The following AP2A1 variants were observed in gnomAD, a reference collection of about 807,000 sequenced individuals.
The protein encoded by AP2A1 is adaptor related protein complex 2 subunit alpha 1.
A neutral mutation model predicts 107.3 loss-of-function variants in AP2A1; 21 were observed. The observed-to-expected ratio is 0.20, with a 90% CI of 0.14 to 0.28. The LOEUF (loss-of-function observed/expected upper bound fraction) is 0.28, where lower values mean the gene tolerates loss of function less well. Ranked by LOEUF, AP2A1 falls within the 10% of genes least tolerant of loss-of-function variation. AP2A1 has a pLI of 1.00. For missense variants in AP2A1, 873 were observed against 1,307.7 expected, an observed-to-expected ratio of 0.67 and a Z score of 5.13; for synonymous variants, 602 against 564.8, an observed-to-expected ratio of 1.07 and a Z score of -0.93.
At position 49,785,787 on chromosome 19, in the gene AP2A1, G is replaced by A. The variant is rs2084729531; in HGVS notation, c.473+3063G>A. On this transcript the variant is annotated intron_variant, in intron 4 of 22. Coordinates refer to ENST00000354293, the MANE Select transcript of AP2A1 (RefSeq NM_130787.3). The surrounding 1 kb of genome is among the most constrained non-coding windows in gnomAD (Gnocchi z 4.1). ...CAAAAATTAGTCAGGTGTGGTGGCG[G>A]GCACCTGTAATCCCAGCTACTTGGG... is the stretch of plus-strand genomic sequence containing the variant. Among the ~76,000 whole-genome samples the A allele has an allele frequency of 6.6e-6, 1 of 151,956 alleles. No homozygotes were observed. Among genetic ancestry groups the A allele is most frequent in the South Asian group, 2.1e-4 (1 of 4,814 alleles).
intron 18 of AP2A1, chr19:49,804,317 G>A (rs1328660102): frequency 1.3e-5 from 2 of 151,972 alleles, no homozygotes; most frequent in Admixed American, 6.6e-5. Flanking sequence ...CAAGGTGGTT[G>A]GATCACGAGG....
chr19:49,785,993 T>C lies in AP2A1; in HGVS notation c.473+3269T>C, dbSNP rs896746497. ...TACTCAGGAGGCTGAGGCAGGAGAATCGCATAAACCCGGGGGGCAGAGGTT... is the reference window on the plus strand; with the variant it reads ...TACTCAGGAGGCTGAGGCAGGAGAACCGCATAAACCCGGGGGGCAGAGGTT... On this transcript the variant is annotated intron_variant, in intron 4 of 22. Coordinates refer to ENST00000354293, the MANE Select transcript of AP2A1 (RefSeq NM_130787.3). The surrounding 1 kb of genome is among the most constrained non-coding windows in gnomAD (Gnocchi z 4.1). Among the ~76,000 whole-genome samples the C allele has an allele frequency of 3.8e-4, 57 of 151,638 alleles. No individual in the cohort carries two copies. The highest frequency in any genetic ancestry group is 1.3e-3 in the African/African-American group (53 of 41,328).
rs765666877 is a variant in AP2A1 at position 49,805,913 on chromosome 19, C to T, written c.2627C>T (p.Pro876Leu). 7 of 1,613,856 alleles carry T rather than the reference C, an allele frequency of 4.3e-6. No individual in the cohort carries two copies. The South Asian group carries it at 7.7e-5, about 18-fold the overall frequency. Residue 876 changes from proline (P) to leucine (L), a missense_variant, in exon 21 of 23, where the codon CCC (proline) becomes CTC (leucine). Physicochemically the swap from Pro to Leu is moderately conservative, Grantham distance 98. Transcript: ENST00000354293. ...CAGAAAATCTTCAAAGCCAACCACCCCATGGACGCAGAAGTTACTAAGGCC... is the reference window on the plus strand; with the variant it reads ...CAGAAAATCTTCAAAGCCAACCACCTCATGGACGCAGAAGTTACTAAGGCC... ...EAQKIFKANH[P>L]MDAEVTKAKL... is the part of the protein sequence containing the mutation.
chr19:49,786,598 G>T (rs771913949), intron 4 of AP2A1, among the ~76,000 whole-genome samples: 3 of 152,226 alleles, frequency 2.0e-5, no homozygotes, highest in South Asian at 2.1e-4. Context: ...CTCTGGCAGG[G>T]GGGGTGGGAG....
intron 3 of AP2A1, 91 bp downstream of exon 3, chr19:49,782,180 G>T: frequency 9.8e-7 from 1 of 1,022,630 alleles, no homozygotes; most frequent in Non-Finnish European, 1.4e-6. Flanking sequence ...TGGGGGAGGA[G>T]GGGGTCTAGG....
Position 49,767,139 on chromosome 19 carries a change from G to C in AP2A1, c.6G>C (p.Pro2=), listed in dbSNP as rs768065308. The C allele has an allele frequency of 4.3e-6, 7 of 1,611,476 alleles. No individual in the cohort carries two copies. The highest frequency in any genetic ancestry group is 5.9e-6 in the Non-Finnish European group (7 of 1,179,684). The part of the protein sequence containing the change: M[P]AVSKGDGMRG... ...GAGCCGACACCACCGCCATCATGCC[G>C]GCCGTGTCCAAGGGCGATGGGATGC... The change falls in exon 1 of 23, where the codon CCG becomes CCC. Residue 2 remains proline, a synonymous_variant. Coordinates refer to ENST00000354293, the MANE Select transcript of AP2A1 (RefSeq NM_130787.3).
chr19:49,774,372 C>A (rs1260795244), intron 1 of AP2A1, among the ~76,000 whole-genome samples: 8 of 152,084 alleles, frequency 5.3e-5, no homozygotes, highest in Admixed American at 3.9e-4. Flanking sequence ...CAGGCAGGGT[C>A]TTGGTGGCCC....
Position 49,767,119 on chromosome 19 carries a change from G to C in AP2A1, c.-15G>C. On this transcript the variant is annotated 5_prime_UTR_variant, in exon 1 of 23. Coordinates refer to ENST00000354293, the MANE Select transcript of AP2A1 (RefSeq NM_130787.3). ...GCCCTGTCCGGCCAGGCCTGGAGCC[G>C]ACACCACCGCCATCATGCCGGCCGT... is the stretch of plus-strand genomic sequence containing the variant. 1 of 1,610,412 alleles carries C rather than the reference G, an allele frequency of 6.2e-7. No individual in the cohort carries two copies. Among genetic ancestry groups the C allele is most frequent in the Non-Finnish European group, 8.5e-7 (1 of 1,179,510 alleles).
intron 6 of AP2A1, 48 bp from the exon 7 acceptor site, chr19:49,795,582 G>GCGC: frequency 4.3e-6 from 3 of 692,050 alleles, no homozygotes; most frequent in Non-Finnish European, 2.7e-6. Context: ...GGACCCACGT[G>GCGC]CCCCTCCCAC....
At position 49,788,569 on chromosome 19, in the gene AP2A1, C is replaced by T. The variant is rs2073102667; in HGVS notation, c.474-3366C>T. ...CCAGAGTCAGGGCTCGGGAGATGCG[C>T]TGTGGCTCAGGAGATGTGCGCCGTG... On this transcript the variant is annotated intron_variant, in intron 4 of 22. Transcript: ENST00000354293. This position sits in a 1 kb window ranked among gnomAD's most constrained non-coding sequence, Gnocchi z 4.5. 6.6e-6 allele frequency among the ~76,000 whole-genome samples: 1 copy of T among 151,686 alleles called. No homozygotes were observed. The highest frequency in any genetic ancestry group is 2.4e-5 in the African/African-American group (1 of 41,240).
rs1318675397 is a variant in AP2A1, at chr19:49,807,014, G to A, written c.*256G>A. On this transcript the variant is annotated 3_prime_UTR_variant, in exon 23 of 23. Transcript: ENST00000354293. ...GGGGAGAGGGGCCAGGGAAGTGGAT[G>A]TCTCCTCCCCTCCCACCCCACCCTG... 1.3e-6 allele frequency: 2 copies of A among 1,498,834 alleles called. No individual in the cohort carries two copies. Among genetic ancestry groups the A allele is most frequent in the Admixed American group, 2.0e-5 (1 of 49,740 alleles). The allele number at this position is 1,498,834 out of a possible 1,614,324, so 92.8% of individuals were successfully genotyped here.
intron 1 of AP2A1, among the ~76,000 whole-genome samples, chr19:49,774,510 C>A (rs1478325321): frequency 6.6e-6 from 1 of 152,038 alleles, no homozygotes; most frequent in African/African-American, 2.4e-5. Flanking sequence ...GTGGTGTAAC[C>A]CAGCACCAAA....
At chr19:49,772,875 G>A (rs10408812) in intron 1 of AP2A1, among the ~76,000 whole-genome samples, 40,321 of 151,656 alleles carry the variant, frequency 0.27, 5,535 homozygotes, top group African/African-American at 0.33. Context: ...TGTGGCTGGT[G>A]CAGAGAGGGA....
At chr19:49,791,765 G>A in intron 4 of AP2A1, 170 bp from the exon 5 acceptor site, 1 of 718,214 alleles carries the variant, frequency 1.4e-6, no homozygotes, top group Non-Finnish European at 2.3e-6. Flanking sequence ...AAGACACTGA[G>A]TCCTGGTGGG....
intron 8 of AP2A1, 137 bp downstream of exon 8, chr19:49,799,089 G>T: frequency 7.7e-7 from 1 of 1,301,228 alleles, no homozygotes; most frequent in Non-Finnish European, 1.0e-6. Context: ...GGGCTGTGAA[G>T]TGTCACCTGT....
At chr19:49,802,252 C>T (rs1013119973) in intron 15 of AP2A1, 111 bp downstream of exon 15, 16 of 931,178 alleles carry the variant, frequency 1.7e-5, no homozygotes, top group Non-Finnish European at 2.7e-5. Flanking sequence ...ACTCGCTCCT[C>T]TCTCCATCCT....
intron 1 of AP2A1, among the ~76,000 whole-genome samples, chr19:49,779,490 A>AAG (rs1283423908): frequency 6.7e-6 from 1 of 148,162 alleles, no homozygotes; most frequent in Non-Finnish European, 1.5e-5. Flanking sequence ...TGGGCTACAA[A>AAG]AAAAAAAAAA....
rs2084573633 is a variant in AP2A1 at position 49,772,509 on chromosome 19, T to G, written c.67+5309T>G. Among the ~76,000 whole-genome samples, 4 of 149,268 alleles carry G rather than the reference T, an allele frequency of 2.7e-5. No individual in the cohort carries two copies. In the South Asian group the frequency reaches 8.5e-4, roughly 32 times the overall value. ...TCTATTTTCAAGAATTCTTTTTTTT[T>G]TTTGGAAACGGAGTCTCGCTCTGTC... On this transcript the variant is annotated intron_variant, in intron 1 of 22. Transcript: ENST00000354293.
chr19:49,787,353 T>G (rs1387289761), intron 4 of AP2A1, among the ~76,000 whole-genome samples: 1 of 111,004 alleles, frequency 9.0e-6, no homozygotes, highest in African/African-American at 3.6e-5. Context: ...TTTTGTTTTT[T>G]GTTTTTTTTT....
Sources: gnomAD v4.1 joint callset for allele counts (sites outside exome capture counted in the v4.1 genomes callset) on GRCh38, gnomAD v4.1.1 for gene constraint, Gnocchi (gnomAD v3.1) non-coding constraint, MANE v1.5 for transcripts, NCBI Gene and HGNC (gene_info 2026-07-23, HGNC 2026-07-21) for gene names.